The following PAX2 variants were observed in gnomAD, a reference collection of about 807,000 sequenced individuals.
The protein encoded by PAX2 is paired box protein Pax-2.
Under a neutral mutation model 41.7 loss-of-function variants are expected in PAX2, and 9 were observed. The observed-to-expected ratio is 0.22, with a 90% CI of 0.13 to 0.38. The LOEUF (loss-of-function observed/expected upper bound fraction) is 0.38. PAX2 is among the 10% of genes least tolerant of loss of function. The pLI, the probability that PAX2 is intolerant of heterozygous loss-of-function variation, is 1.00. For synonymous variants in PAX2, 221 were observed against 212.7 expected (o/e 1.04, Z -0.34); for missense variants, 418 against 531.6 (o/e 0.79, Z 2.10).
At chr10:100,758,163 C>T (rs562113640) in intron 3 of PAX2, among the ~76,000 whole-genome samples, 108 of 141,230 alleles carry the variant, frequency 7.6e-4, no homozygotes, top group Non-Finnish European at 9.4e-4. Context: ...TTTTTTGAGA[C>T]GGAGTCTTGC....
chr10:100,759,486 G>C (rs967531014), intron 3 of PAX2, among the ~76,000 whole-genome samples: 1 of 152,142 alleles, frequency 6.6e-6, no homozygotes, highest in Non-Finnish European at 1.5e-5. Flanking sequence ...CAGCCAAAAG[G>C]GAGGGAGGCA....
intron 3 of PAX2, among the ~76,000 whole-genome samples, chr10:100,774,829 T>G (rs1465299571): frequency 1.3e-5 from 2 of 152,256 alleles, no homozygotes; most frequent in East Asian, 3.9e-4. Context: ...GGATTCCGAC[T>G]AAGGCAGGCT....
At chr10:100,789,295 A>C (rs144482956) in intron 5 of PAX2, among the ~76,000 whole-genome samples, 1 of 152,106 alleles carries the variant, frequency 6.6e-6, no homozygotes, top group African/African-American at 2.4e-5. Flanking sequence ...TAGTAGAGAC[A>C]GGGTTTCACC....
intron 3 of PAX2, among the ~76,000 whole-genome samples, chr10:100,765,705 C>A (rs1223415515): frequency 1.3e-5 from 2 of 152,152 alleles, no homozygotes; most frequent in Non-Finnish European, 2.9e-5. Flanking sequence ...CCAGCCCCTG[C>A]CACTGCCCAG....
At chr10:100,812,849 C>T (rs572670287) in intron 7 of PAX2, among the ~76,000 whole-genome samples, 80 of 152,244 alleles carry the variant, frequency 5.3e-4, no homozygotes, top group Middle Eastern at 6.8e-3. Flanking sequence ...AAGTCCACCC[C>T]GAAGGAGAGA....
At chr10:100,751,548 C>T (rs2133838087) in intron 3 of PAX2, among the ~76,000 whole-genome samples, 1 of 152,358 alleles carries the variant, frequency 6.6e-6, no homozygotes, top group Non-Finnish European at 1.5e-5. Context: ...CCTCAACCAC[C>T]TAAGGTGCCT....
At position 100,750,599 on chromosome 10, in the gene PAX2, C is replaced by G. The variant is rs1014189891; in HGVS notation, c.213-95C>G. ...TTTCCCTCCACTCCGCTGCCTCGGC[C>G]GGGCAGGAGAGTGGCTCAGCAGCTC... On this transcript the variant is annotated intron_variant, in intron 2 of 9. Coordinates refer to ENST00000355243, the MANE Select transcript of PAX2 (RefSeq NM_000278.5). This position sits in a 1 kb window ranked among gnomAD's most constrained non-coding sequence, Gnocchi z 4.1. 2.7e-6 allele frequency: 3 copies of G among 1,116,260 alleles called. No individual in the cohort carries two copies. The highest frequency in any genetic ancestry group is 2.5e-5 in the East Asian group (1 of 39,636). 69.1% of individuals were successfully genotyped at this position (1,116,260 alleles called of 1,614,324 possible).
rs61617727 is a variant in PAX2, at chr10:100,739,014, GACAC to G, written c.25+3314_25+3317del. Among the ~76,000 whole-genome samples the G allele has an allele frequency of 3.9e-3, 535 of 138,316 alleles. 2 individuals carry two copies. Among genetic ancestry groups the G allele is most frequent in the African/African-American group, 0.011 (387 of 36,656 alleles). 90.7% of individuals were successfully genotyped at this position (138,316 alleles called of 152,430 possible). A position where few individuals can be genotyped will look rare whatever the true frequency, so the allele number is the denominator to read the frequency against. On this transcript the variant is annotated intron_variant, in intron 1 of 9. Coordinates refer to the PAX2 transcript ENST00000679374. ...CTAATCCGTCGCGCGCGCGCACGCG[GACAC>G]ACACACACACACACACACACACACA...
At chr10:100,799,197 C>G (rs1177598630) in intron 5 of PAX2, among the ~76,000 whole-genome samples, 2 of 152,122 alleles carry the variant, frequency 1.3e-5, no homozygotes, top group East Asian at 3.9e-4. Context: ...CCCCACTGCT[C>G]CCCCAGCCCT....
At position 100,824,896 on chromosome 10, in the gene PAX2, C is replaced by T. The variant is rs1397704823; in HGVS notation, c.1021+147C>T. ...CCACTGCTATTCTGTCCCTCTCTCT[C>T]CTTAGAGGCTGCAGTTGGTCCCTCA... On this transcript the variant is annotated intron_variant, in intron 8 of 9. Coordinates refer to ENST00000355243, the MANE Select transcript of PAX2 (RefSeq NM_000278.5). The surrounding 1 kb of genome is among the most constrained non-coding windows in gnomAD (Gnocchi z 6.6). 1.2e-6 allele frequency: 2 copies of T among 1,613,006 alleles called. No individual in the cohort carries two copies. The highest frequency in any genetic ancestry group is 3.3e-5 in the Admixed American group (2 of 60,028).
chr10:100,753,673 A>G (rs1341707302), intron 3 of PAX2, among the ~76,000 whole-genome samples: 2 of 152,180 alleles, frequency 1.3e-5, no homozygotes, highest in South Asian at 2.1e-4. Context: ...AAGTCCACAC[A>G]TGCTCACCCA....
chr10:100,745,136 C>T (rs7914238), upstream of PAX2, among the ~76,000 whole-genome samples: 4 of 152,226 alleles, frequency 2.6e-5, no homozygotes, highest in South Asian at 2.1e-4. Context: ...CAGGGCTGGG[C>T]GAGTTAGAAC....
At chr10:100,804,526 A>G (rs912571826) in intron 5 of PAX2, among the ~76,000 whole-genome samples, 1 of 152,210 alleles carries the variant, frequency 6.6e-6, no homozygotes, top group Non-Finnish European at 1.5e-5. Context: ...AATCAAACAC[A>G]ATAGGACACG....
intron 6 of PAX2, among the ~76,000 whole-genome samples, chr10:100,807,434 CCCA>C (rs951920397): frequency 6.7e-6 from 1 of 149,644 alleles, no homozygotes; most frequent in Non-Finnish European, 1.5e-5. Context: ...CACACCACCG[CCCA>C]CCTGTTCCCT....
At chr10:100,782,768 G>A (rs11190702) in intron 5 of PAX2, among the ~76,000 whole-genome samples, 22,889 of 152,356 alleles carry the variant, frequency 0.15, 2,212 homozygotes, top group Middle Eastern at 0.3. Flanking sequence ...TTTTGGCGGC[G>A]GCCCCTGATG....
At chr10:100,768,601 C>G (rs925229883) in intron 3 of PAX2, among the ~76,000 whole-genome samples, 2 of 152,026 alleles carry the variant, frequency 1.3e-5, no homozygotes, top group Non-Finnish European at 2.9e-5. Context: ...CTCAATTTTC[C>G]AAAATCATGG....
At chr10:100,778,761 C>A (rs541351516) in intron 3 of PAX2, among the ~76,000 whole-genome samples, 1 of 152,300 alleles carries the variant, frequency 6.6e-6, no homozygotes, top group African/African-American at 2.4e-5. Context: ...GGGCACCAGA[C>A]CTTTCAACCA....
rs576371733 is a variant in PAX2 at position 100,827,572 on chromosome 10, C to A, written c.1138C>A (p.Arg380=). 7 of 1,613,686 alleles carry A rather than the reference C, an allele frequency of 4.3e-6. No individual in the cohort carries two copies. The South Asian group carries it at 4.4e-5, about 10-fold the overall frequency. ...CCCTTATTATTATAGTGCCGCCCCC[C>A]GGGGCTCCGCCCCTGCCGCTGCTGC... The part of the protein sequence containing the change: ...SSPYYYSAAP[R]GSAPAAAAAA... The change falls in exon 10 of 10, where the codon CGG becomes AGG. Residue 380 remains arginine, a synonymous_variant. Transcript: ENST00000355243. This position sits in a 1 kb window ranked among gnomAD's most constrained non-coding sequence, Gnocchi z 8.5.
Position 100,786,324 on chromosome 10 carries a change from A to G in PAX2, c.616+4959A>G, listed in dbSNP as rs148334988. 5.1e-3 allele frequency among the ~76,000 whole-genome samples: 774 copies of G among 152,356 alleles called. 11 individuals carry two copies. Among genetic ancestry groups the G allele is most frequent in the African/African-American group, 0.018 (742 of 41,576 alleles). ...CCACATGTCATCTTTCAGCCTCCAC[A>G]GGCATTTTAGGTGTGTATAAATAAA... On this transcript the variant is annotated intron_variant, in intron 5 of 9. Coordinates refer to ENST00000355243, the MANE Select transcript of PAX2 (RefSeq NM_000278.5).
Sources: gnomAD v4.1 joint callset for allele counts (sites outside exome capture counted in the v4.1 genomes callset) on GRCh38, gnomAD v4.1.1 for gene constraint, Gnocchi (gnomAD v3.1) non-coding constraint, MANE v1.5 for transcripts, NCBI Gene and HGNC (gene_info 2026-07-23, HGNC 2026-07-21) for gene names.